Variants in CEP104 observed in about 807,000 individuals in gnomAD.
The protein encoded by CEP104 is centrosomal protein 104, also known as centrosomal protein of 104 kDa.
In CEP104, 84 loss-of-function variants were observed where a neutral mutation model predicts 113.3. That is an observed-to-expected ratio of 0.74 (90% CI 0.62 to 0.89). CEP104 has a LOEUF of 0.89. CEP104 is among the 40% of genes least tolerant of loss of function. CEP104 has a pLI of 0.00. For synonymous variants in CEP104, 378 were observed against 421.7 expected (o/e 0.90, Z 1.27); for missense variants, 1,053 against 1,156.6 (o/e 0.91, Z 1.30).
chr1:3,843,095 C>A, intron 6 of CEP104: 2 of 588,080 alleles, frequency 3.4e-6, no homozygotes, highest in Non-Finnish European at 6.3e-6. Flanking sequence ...GCCTAAAAAA[C>A]ATTTCAATTC....
chr1:3,855,045 T>G (rs1034942828), intron 1 of CEP104, among the ~76,000 whole-genome samples: 1 of 150,480 alleles, frequency 6.6e-6, no homozygotes, highest in Non-Finnish European at 1.5e-5. Flanking sequence ...CTAATTTTTG[T>G]ATTTTTAGTA....
chr1:3,816,415 C>T (rs375753883), intron 20 of CEP104, 45 bp from the exon 21 acceptor site: 3 of 1,463,394 alleles, frequency 2.1e-6, no homozygotes, highest in Non-Finnish European at 2.8e-6. Flanking sequence ...GCGAGACGGA[C>T]CTGGCACGCT....
intron 21 of CEP104, among the ~76,000 whole-genome samples, 194 bp from the exon 22 acceptor site, chr1:3,815,711 CAG>C (rs1460538565): frequency 6.7e-6 from 1 of 149,920 alleles, no homozygotes; most frequent in Non-Finnish European, 1.5e-5. Context: ...TTTGTTGAGA[CAG>C]AGTCTCACTC....
intron 12 of CEP104, among the ~76,000 whole-genome samples, chr1:3,832,502 G>A (rs1644233439): frequency 1.6e-5 from 2 of 124,742 alleles, no homozygotes; most frequent in Admixed American, 1.8e-4. Flanking sequence ...GACCAGGAGT[G>A]TAGTGTAGGT....
chr1:3,825,782 C>G lies in CEP104; in HGVS notation c.2340G>C (p.Leu780=). The change falls in exon 18 of 22, where the codon CTG becomes CTC. Residue 780 remains leucine (L), a synonymous_variant. Transcript: ENST00000378230. ...DLHYWKHCLM[L]TRCDHCKQVV... ...CCTGTTTGCAGTGGTCACATCTTGT[C>G]AGCATGAGACAGTGCTTCCAGTAGT... is the stretch of plus-strand genomic sequence containing the variant. The G allele has an allele frequency of 2.5e-6, 4 of 1,613,572 alleles. No homozygotes were observed. The highest frequency in any genetic ancestry group is 3.4e-6 in the Non-Finnish European group (4 of 1,179,456).
At chr1:3,843,335 A>G in intron 6 of CEP104, 1 of 553,818 alleles carries the variant, frequency 1.8e-6, no homozygotes, top group African/African-American at 2.0e-5. Context: ...TAAAAAAAAA[A>G]AAAAAGAGGA....
chr1:3,813,079 G>A lies in CEP104; in HGVS notation c.*2323C>T, dbSNP rs558247643. 2.0e-5 allele frequency: 3 copies of A among 151,892 alleles called. No individual in the cohort carries two copies. The highest frequency in any genetic ancestry group is 3.9e-4 in the East Asian group (2 of 5,170). The allele number at this position is 151,892 out of a possible 1,614,324, so 9.4% of individuals were successfully genotyped here. A position where few individuals can be genotyped will look rare whatever the true frequency, so the allele number is the denominator to read the frequency against. On this transcript the variant is annotated 3_prime_UTR_variant, in exon 22 of 22. Coordinates refer to ENST00000378230, the MANE Select transcript of CEP104 (RefSeq NM_014704.4). The stretch of plus-strand genomic sequence containing the variant: ...ATTGGTGAGAAAAGAATAATTCCTT[G>A]GTTAACTTTTCTCATTCTTGTTCTG...
At position 3,836,599 on chromosome 1, in the gene CEP104, T is replaced by A. The variant is rs1397558523; in HGVS notation, c.1213A>T (p.Ile405Phe). 3 of 1,613,060 alleles carry A rather than the reference T, an allele frequency of 1.9e-6. No individual in the cohort carries two copies. The highest frequency in any genetic ancestry group is 1.7e-5 in the Admixed American group (1 of 59,848). ...ATGCCTCCCCTCCGAGCATCGCTGATGTCTGCATTACTCATTTCCGGCTCC... is the reference window on the plus strand; with the variant it reads ...ATGCCTCCCCTCCGAGCATCGCTGAAGTCTGCATTACTCATTTCCGGCTCC... ...VVEPEMSNAD[I>F]SDARRGGMLG... The change falls in exon 10 of 22, where the codon ATC (isoleucine) becomes TTC (phenylalanine). Residue 405 changes from isoleucine to phenylalanine, a missense_variant. Coordinates refer to ENST00000378230, the MANE Select transcript of CEP104 (RefSeq NM_014704.4).
chr1:3,821,732 A>G (rs2124639219), intron 20 of CEP104, among the ~76,000 whole-genome samples: 1 of 152,374 alleles, frequency 6.6e-6, no homozygotes. Flanking sequence ...TACAGGAAAT[A>G]CAGGGACAGA....
At position 3,815,477 on chromosome 1, in the gene CEP104, T is replaced by C. The variant is rs369737290; in HGVS notation, c.2703A>G (p.Ser901=). Residue 901 remains serine (S), a synonymous_variant, in exon 22 of 22, where the codon TCA becomes TCG. Transcript: ENST00000378230. The stretch of plus-strand genomic sequence containing the variant: ...GGGTGGGGATCTTGCTTCCGGCCTT[T>C]GACCCCAAGGGGCCTGATGCGGCCA... The part of the protein sequence containing the change: ...SAVAASGPLG[S]KAGSKIPTPK... 18 of 1,612,734 alleles carry C rather than the reference T, an allele frequency of 1.1e-5. No homozygotes were observed. The highest frequency in any genetic ancestry group is 1.4e-5 in the Non-Finnish European group (16 of 1,179,552).
intron 8 of CEP104, among the ~76,000 whole-genome samples, chr1:3,838,158 C>CT (rs1644349793): frequency 1.3e-5 from 2 of 152,174 alleles, no homozygotes; most frequent in South Asian, 4.1e-4. Flanking sequence ...AGAGTGTGCT[C>CT]TCTTGTTTTT....
At chr1:3,852,565 A>T (rs1644634398) in intron 1 of CEP104, 144 bp from the exon 2 acceptor site, 2 of 717,082 alleles carry the variant, frequency 2.8e-6, no homozygotes, top group Non-Finnish European at 4.3e-6. Context: ...AAAAGAGTCT[A>T]TTTTTTTTTG....
chr1:3,833,912 T>C lies in CEP104; in HGVS notation c.1609A>G (p.Thr537Ala), dbSNP rs1288555090. 1.9e-6 allele frequency: 3 copies of C among 1,614,118 alleles called. No homozygotes were observed. The highest frequency in any genetic ancestry group is 2.5e-6 in the Non-Finnish European group (3 of 1,180,040). Residue 537 changes from threonine to alanine, a missense_variant, in exon 12 of 22, where the codon ACT becomes GCT. Physicochemically the swap from Thr to Ala is moderately conservative, Grantham distance 58 (BLOSUM62 0). Transcript: ENST00000378230. ...ERTIPVLLTR[T>A]GDSSARLRVT... ...CGGAGGCGGGCAGAAGAATCTCCAG[T>C]TCTGGTGAGCAAAACGGGAATGGTC...
intron 11 of CEP104, 77 bp from the exon 12 acceptor site, chr1:3,834,112 G>T: frequency 8.5e-7 from 1 of 1,169,704 alleles, no homozygotes. Flanking sequence ...TTTACTATCA[G>T]TAACACATAC....
At chr1:3,818,881 T>C (rs557436424) in intron 20 of CEP104, among the ~76,000 whole-genome samples, 1 of 152,344 alleles carries the variant, frequency 6.6e-6, no homozygotes, top group African/African-American at 2.4e-5. Context: ...ATCTGCCTCT[T>C]CCATCAAGGC....
In CEP104 at chr1:3,816,284, C is replaced by G; in HGVS notation, c.2658G>C (p.Gln886His). The G allele has an allele frequency of 6.4e-7, 1 of 1,551,828 alleles. No individual in the cohort carries two copies. Among genetic ancestry groups the G allele is most frequent in the Non-Finnish European group, 8.7e-7 (1 of 1,147,032 alleles). The change falls in exon 21 of 22, where the codon CAG (glutamine) becomes CAC (histidine). Residue 886 changes from glutamine to histidine, a missense_variant. Physicochemically the swap from Gln to His is conservative, Grantham distance 24 (BLOSUM62 0). Transcript: ENST00000378230. ...THILQKAPAL[Q>H]PGKSSAVAAS... ...CTCAGCGGCGCTGTCCCTCACCTGGCTGCAGTGCCGGGGCCTTCTGCAGAA... is the reference window on the plus strand; with the variant it reads ...CTCAGCGGCGCTGTCCCTCACCTGGGTGCAGTGCCGGGGCCTTCTGCAGAA...
chr1:3,855,098 C>T (rs1282362759), intron 1 of CEP104, among the ~76,000 whole-genome samples: 1 of 151,524 alleles, frequency 6.6e-6, no homozygotes, highest in Non-Finnish European at 1.5e-5. Context: ...TCTCGAACTC[C>T]TGACCTTAGG....
At chr1:3,826,228 C>T (rs1254377020) in intron 17 of CEP104, 142 bp downstream of exon 17, 3 of 686,576 alleles carry the variant, frequency 4.4e-6, no homozygotes, top group Non-Finnish European at 2.6e-6. Context: ...GGAGTGGATG[C>T]TGGTTAGTGC....
At position 3,845,291 on chromosome 1, in the gene CEP104, T is replaced by G. The variant is rs200208264; in HGVS notation, c.487A>C (p.Thr163Pro). The G allele has an allele frequency of 2.5e-5, 40 of 1,599,038 alleles. No individual in the cohort carries two copies. In the African/African-American group the frequency reaches 3.8e-4, roughly 15 times the overall value. Reference protein sequence around the residue: ...DPADFSDESNTASREKLIDHY... With the variant: ...DPADFSDESNPASREKLIDHY... The stretch of plus-strand genomic sequence containing the variant: ...GAATTAAAACTTTCCAAACTTACAG[T>G]ATTGCTTTCATCACTGAAATCTGCA... Residue 163 changes from threonine to proline, a missense_variant and splice_region_variant, in exon 5 of 22, where the codon ACT becomes CCT. Coordinates refer to ENST00000378230, the MANE Select transcript of CEP104 (RefSeq NM_014704.4).
Sources: allele counts gnomAD v4.1 joint callset (sites outside exome capture counted in the v4.1 genomes callset), GRCh38; gene constraint gnomAD v4.1.1; transcripts MANE v1.5; gene names NCBI Gene and HGNC (gene_info 2026-07-23, HGNC 2026-07-21).